CCNT1: variants seen among roughly 807,000 people sequenced by gnomAD.
The protein encoded by CCNT1 is cyclin T1, also known as cyclin-T1.
CCNT1 carries 18 observed loss-of-function variants against 67.3 expected under a neutral mutation model. The observed-to-expected ratio is 0.27, with a 90% CI of 0.18 to 0.40. The LOEUF is 0.40. CCNT1 is among the 10% of genes least tolerant of loss of function. The pLI, the probability that CCNT1 is intolerant of heterozygous loss-of-function variation, is 1.00. For synonymous variants in CCNT1, 333 were observed against 310.3 expected (o/e 1.07, Z -0.77); for missense variants, 744 against 884.9 (o/e 0.84, Z 2.02).
At chr12:48,711,399 TATAA>T (rs1297445034) in intron 2 of CCNT1, among the ~76,000 whole-genome samples, 3 of 151,544 alleles carry the variant, frequency 2.0e-5, no homozygotes, top group Admixed American at 6.6e-5. Flanking sequence ...TAAATAAATA[TATAA>T]ATAAATAAAA....
chr12:48,714,984 T>C (rs991258105), intron 1 of CCNT1, among the ~76,000 whole-genome samples: 6 of 152,166 alleles, frequency 3.9e-5, no homozygotes, highest in South Asian at 2.1e-4. Flanking sequence ...GGCTACTTTT[T>C]GTATTTTTAG....
At position 48,694,036 on chromosome 12, in the gene CCNT1, C is replaced by T. The variant is rs775166412; in HGVS notation, c.1178G>A (p.Arg393His). 15 of 1,614,072 alleles carry T rather than the reference C, an allele frequency of 9.3e-6. No individual in the cohort carries two copies. The highest frequency in any genetic ancestry group is 3.3e-5 in the Admixed American group (2 of 60,006). The part of the protein sequence containing the change: ...PSAKVSLKEY[R>H]AKHAEELAAQ... ...AGCCAATTCTTCTGCATGCTTCGCG[C>T]GGTATTCTTTCAGTGACACTTTAGC... The change falls in exon 9 of 9, where the codon CGC (arginine) becomes CAC (histidine). Residue 393 changes from arginine to histidine, a missense_variant. Transcript: ENST00000261900.
chr12:48,714,621 T>A, intron 1 of CCNT1, 97 bp from the exon 2 acceptor site: 1 of 680,706 alleles, frequency 1.5e-6, no homozygotes, highest in South Asian at 1.6e-5. Context: ...GCCAAGCAAG[T>A]AGATACTACT....
chr12:48,692,716 CAAG>C lies in CCNT1; in HGVS notation c.*314_*316del, dbSNP rs887597034. Reference sequence around the variant, plus strand: ...GAAACCCTCCATTTTTCAGCTCTGGCAAGAAGAGGGAAGATATCAACTCCAATC... The same window carrying C: ...GAAACCCTCCATTTTTCAGCTCTGGCAAGAGGGAAGATATCAACTCCAATC... On this transcript the variant is annotated 3_prime_UTR_variant, in exon 9 of 9. Transcript: ENST00000261900. 4 of 225,598 alleles carry C rather than the reference CAAG, an allele frequency of 1.8e-5. No homozygotes were observed. Among genetic ancestry groups the C allele is most frequent in the Admixed American group, 5.1e-5 (1 of 19,794 alleles). 14.0% of individuals were successfully genotyped at this position (225,598 alleles called of 1,614,324 possible). A position where few individuals can be genotyped will look rare whatever the true frequency, so the allele number is the denominator to read the frequency against.
chr12:48,711,333 T>G (rs1409320999), intron 2 of CCNT1, among the ~76,000 whole-genome samples: 1 of 151,458 alleles, frequency 6.6e-6, no homozygotes, highest in East Asian at 1.9e-4. Flanking sequence ...TGAGCTCAGA[T>G]GGCGCCATTG....
chr12:48,695,133 T>G (rs1341460670), intron 8 of CCNT1, among the ~76,000 whole-genome samples: 1 of 152,200 alleles, frequency 6.6e-6, no homozygotes, highest in Non-Finnish European at 1.5e-5. Flanking sequence ...CTCTCAAGCC[T>G]ACTTCTAATC....
Position 48,690,028 on chromosome 12 carries a change from A to T in CCNT1, c.*3005T>A, listed in dbSNP as rs1940048198. ...GAAGTTGAGGCTCTCTGATATGGAC[A>T]TACACTGATTCATGAATGGGAAGAC... On this transcript the variant is annotated 3_prime_UTR_variant, in exon 9 of 9. Transcript: ENST00000261900. The T allele has an allele frequency of 6.6e-6, 1 of 152,266 alleles. No individual in the cohort carries two copies. Among genetic ancestry groups the T allele is most frequent in the African/African-American group, 2.4e-5 (1 of 41,468 alleles). 9.4% of individuals were successfully genotyped at this position (152,266 alleles called of 1,614,324 possible).
rs559559744 is a variant in CCNT1, at chr12:48,700,032, A to G, written c.434-192T>C. 9.2e-5 allele frequency among the ~76,000 whole-genome samples: 14 copies of G among 152,258 alleles called. No homozygotes were observed. The South Asian group carries it at 2.9e-3, about 32-fold the overall frequency. On this transcript the variant is annotated intron_variant, in intron 4 of 8. Coordinates refer to ENST00000261900, the MANE Select transcript of CCNT1 (RefSeq NM_001240.4). ...TGAAGATATTTTAAGAAAAAAGTTA[A>G]CTAGAGGCTGGGCGCGGTGGATCAA... is the stretch of plus-strand genomic sequence containing the variant.
Position 48,693,234 on chromosome 12 carries a change from A to G in CCNT1, c.1980T>C (p.Thr660=), listed in dbSNP as rs764384850. Reference sequence around the variant, plus strand: ...TGAGCAGGGAGTGAAGCATATTCACAGTGTCTTGATAGTCTATTGTCTGGG... The same window carrying G: ...TGAGCAGGGAGTGAAGCATATTCACGGTGTCTTGATAGTCTATTGTCTGGG... ...NTTQTIDYQD[T]VNMLHSLLSA... is the part of the protein sequence containing the mutation. The change falls in exon 9 of 9, where the codon ACT becomes ACC. Residue 660 remains threonine, a synonymous_variant. Coordinates refer to ENST00000261900, the MANE Select transcript of CCNT1 (RefSeq NM_001240.4). 4.3e-6 allele frequency: 7 copies of G among 1,614,228 alleles called. No homozygotes were observed. Among genetic ancestry groups the G allele is most frequent in the South Asian group, 3.3e-5 (3 of 91,090 alleles).
At chr12:48,715,615 T>C (rs999545225) in intron 1 of CCNT1, among the ~76,000 whole-genome samples, 3 of 152,008 alleles carry the variant, frequency 2.0e-5, no homozygotes, top group Non-Finnish European at 4.4e-5. Flanking sequence ...TGCCCGCCAC[T>C]ACGCCGGGGT....
At chr12:48,705,702 T>C (rs2137237270) in intron 3 of CCNT1, 66 bp downstream of exon 3, 2 of 1,308,064 alleles carry the variant, frequency 1.5e-6, no homozygotes, top group Admixed American at 2.1e-5. Flanking sequence ...CAGGCATGCT[T>C]GGGAGTAGGG....
chr12:48,705,586 A>T, intron 3 of CCNT1, 182 bp downstream of exon 3: 1 of 593,456 alleles, frequency 1.7e-6, no homozygotes, highest in Non-Finnish European at 2.9e-6. Context: ...TGATTTTCTT[A>T]CTGTTAAGAA....
intron 6 of CCNT1, among the ~76,000 whole-genome samples, chr12:48,696,857 G>T (rs759399053): frequency 6.6e-6 from 1 of 152,084 alleles, no homozygotes; most frequent in East Asian, 1.9e-4. Flanking sequence ...TTTAGACAGA[G>T]TCTCTCTCTC....
intron 3 of CCNT1, among the ~76,000 whole-genome samples, chr12:48,702,955 C>A (rs1255079829): frequency 6.6e-6 from 1 of 151,796 alleles, no homozygotes; most frequent in Non-Finnish European, 1.5e-5. Flanking sequence ...ACCCCTATCT[C>A]TACAAAAAAA....
At chr12:48,698,739 C>T (rs1940219972) in intron 5 of CCNT1, among the ~76,000 whole-genome samples, 1 of 152,286 alleles carries the variant, frequency 6.6e-6, no homozygotes, top group African/African-American at 2.4e-5. Context: ...GGGCGGATCA[C>T]CTGAGGTCCA....
chr12:48,701,206 T>A (rs1940260354), intron 3 of CCNT1, 133 bp from the exon 4 acceptor site: 1 of 287,628 alleles, frequency 3.5e-6, no homozygotes, highest in East Asian at 6.3e-5. Context: ...AGTTAAGAAC[T>A]GAAATACAAT....
chr12:48,697,473 A>G (rs996161845), intron 6 of CCNT1, among the ~76,000 whole-genome samples: 4 of 150,014 alleles, frequency 2.7e-5, no homozygotes, highest in African/African-American at 9.8e-5. Context: ...CAGTGAGCCA[A>G]GATCGCACCA....
At position 48,693,777 on chromosome 12, in the gene CCNT1, C is replaced by T. The variant is rs746054253; in HGVS notation, c.1437G>A (p.Glu479=). ...GDKAASSKPE[E]IKMRIKVHAA... is the part of the protein sequence containing the mutation. Reference sequence around the variant, plus strand: ...CATGGACTTTTATGCGCATTTTTATCTCCTCTGGTTTTGAAGACGCAGCTT... The same window carrying T: ...CATGGACTTTTATGCGCATTTTTATTTCCTCTGGTTTTGAAGACGCAGCTT... The change falls in exon 9 of 9, where the codon GAG becomes GAA. Residue 479 remains glutamate, a synonymous_variant. Transcript: ENST00000261900. 15 of 1,613,986 alleles carry T rather than the reference C, an allele frequency of 9.3e-6. No individual in the cohort carries two copies. Among genetic ancestry groups the T allele is most frequent in the Admixed American group, 3.3e-5 (2 of 59,992 alleles).
intron 8 of CCNT1, among the ~76,000 whole-genome samples, chr12:48,695,453 G>A (rs1475329978): frequency 1.3e-5 from 2 of 152,100 alleles, no homozygotes; most frequent in African/African-American, 2.4e-5. Context: ...TCTACCAGAA[G>A]CCAATACTCT....
Sources: gnomAD v4.1 joint callset for allele counts (sites outside exome capture counted in the v4.1 genomes callset) on GRCh38, gnomAD v4.1.1 for gene constraint, MANE v1.5 for transcripts, NCBI Gene and HGNC (gene_info 2026-07-23, HGNC 2026-07-21) for gene names.